Variants in ATXN1 observed in about 807,000 individuals in gnomAD.
ATXN1 encodes ataxin 1, also known as ataxin-1.
Under a neutral mutation model 56.4 loss-of-function variants are expected in ATXN1, and 8 were observed. The observed-to-expected ratio is 0.14, with a 90% CI of 0.08 to 0.26. The LOEUF is 0.26. Ranked by LOEUF, ATXN1 falls within the 10% of genes least tolerant of loss-of-function variation. ATXN1 has a pLI of 1.00. For synonymous variants in ATXN1, 514 were observed against 494.6 expected, an observed-to-expected ratio of 1.04 and a Z score of -0.52; for missense variants, 987 against 1,106.5, an observed-to-expected ratio of 0.89 and a Z score of 1.53.
At chr6:16,485,841 A>G (rs1388825898) in intron 6 of ATXN1, 131 bp downstream of exon 6, 1 of 152,244 alleles carries the variant, frequency 6.6e-6, no homozygotes, top group African/African-American at 2.4e-5. Context: ...CCAATTAAAA[A>G]AAGAAATTAA....
intron 4 of ATXN1, among the ~76,000 whole-genome samples, chr6:16,585,466 T>G (rs1230969412): frequency 1.3e-5 from 2 of 152,324 alleles, no homozygotes; most frequent in South Asian, 4.1e-4. Flanking sequence ...TACTACCATT[T>G]GATGTTTGTC....
At chr6:16,659,265 A>G (rs1014541846) in intron 2 of ATXN1, among the ~76,000 whole-genome samples, 2 of 152,228 alleles carry the variant, frequency 1.3e-5, no homozygotes, top group Non-Finnish European at 2.9e-5. Context: ...GGATTTTATT[A>G]GTTTTATGTA....
intron 5 of ATXN1, among the ~76,000 whole-genome samples, chr6:16,493,588 C>T (rs565297949): frequency 1.7e-4 from 26 of 152,052 alleles, no homozygotes; most frequent in African/African-American, 3.6e-4. Context: ...TGGTAACTTC[C>T]GTAAAGGTAG....
intron 6 of ATXN1, among the ~76,000 whole-genome samples, chr6:16,400,439 A>T (rs1253179752): frequency 6.6e-6 from 1 of 151,964 alleles, no homozygotes; most frequent in African/African-American, 2.4e-5. Flanking sequence ...CCATGGCCAG[A>T]CCACATGGCC....
intron 6 of ATXN1, among the ~76,000 whole-genome samples, chr6:16,411,622 G>A (rs2113552145): frequency 6.6e-6 from 1 of 152,234 alleles, no homozygotes; most frequent in East Asian, 1.9e-4. Context: ...GGATAAAGAG[G>A]GAACAAGGGC....
In ATXN1 at chr6:16,375,414, T is replaced by C. The variant is rs1762123308; in HGVS notation, c.-160-46944A>G. The stretch of plus-strand genomic sequence containing the variant: ...GAAACAGCTGTCAACAACTCTGCAA[T>C]TCCTTTATCCACTACATGCTAACAC... On this transcript the variant is annotated intron_variant, in intron 6 of 7. Coordinates refer to ENST00000436367, the MANE Select transcript of ATXN1 (RefSeq NM_001128164.2). Among the ~76,000 whole-genome samples the C allele has an allele frequency of 2.0e-5, 3 of 152,230 alleles. No homozygotes were observed. In the South Asian group the frequency reaches 6.2e-4, roughly 32 times the overall value.
At chr6:16,457,899 A>C (rs559171614) in intron 6 of ATXN1, among the ~76,000 whole-genome samples, 2 of 152,124 alleles carry the variant, frequency 1.3e-5, no homozygotes, top group African/African-American at 4.8e-5. Context: ...CTGTAGGGGG[A>C]GGGGAATTTG....
intron 3 of ATXN1, among the ~76,000 whole-genome samples, chr6:16,626,240 A>G (rs1253571501): frequency 6.6e-6 from 1 of 152,226 alleles, no homozygotes; most frequent in Admixed American, 6.5e-5. Flanking sequence ...GGTCATGTAA[A>G]GACTTGGTAA....
intron 3 of ATXN1, among the ~76,000 whole-genome samples, chr6:16,604,833 ACT>A (rs2113784075): frequency 6.6e-6 from 1 of 151,694 alleles, no homozygotes; most frequent in Admixed American, 6.6e-5. Flanking sequence ...CAATCCTCCC[ACT>A]TTGGCTTCAC....
intron 3 of ATXN1, among the ~76,000 whole-genome samples, chr6:16,620,680 T>C (rs1419984736): frequency 2.0e-5 from 3 of 152,168 alleles, no homozygotes; most frequent in East Asian, 3.9e-4. Context: ...AGTTGGCCCA[T>C]ATATGCCCCC....
chr6:16,408,460 T>C (rs1297530159), intron 6 of ATXN1, among the ~76,000 whole-genome samples: 3 of 151,892 alleles, frequency 2.0e-5, no homozygotes, highest in East Asian at 1.9e-4. Flanking sequence ...AATACTTTCC[T>C]TCATCAAGTG....
chr6:16,312,359 G>A lies in ATXN1; in HGVS notation c.1918-5500C>T, dbSNP rs532291406. On this transcript the variant is annotated intron_variant, in intron 7 of 7. Transcript: ENST00000436367. ...TAATCCCAGCACTTTGGGAGGCTGAGGTACAATTGTGAAATAGCAAAAGAA... is the reference window on the plus strand; with the variant it reads ...TAATCCCAGCACTTTGGGAGGCTGAAGTACAATTGTGAAATAGCAAAAGAA... 5.9e-5 allele frequency among the ~76,000 whole-genome samples: 9 copies of A among 152,162 alleles called. No homozygotes were observed. The South Asian group carries it at 1.9e-3, about 32-fold the overall frequency.
intron 3 of ATXN1, among the ~76,000 whole-genome samples, chr6:16,602,750 G>A (rs919514701): frequency 6.6e-6 from 1 of 152,076 alleles, no homozygotes; most frequent in Non-Finnish European, 1.5e-5. Context: ...GAGCCTGGCC[G>A]CAGCCCAAAT....
chr6:16,712,184 A>G (rs1412979094), intron 2 of ATXN1, among the ~76,000 whole-genome samples: 2 of 152,184 alleles, frequency 1.3e-5, no homozygotes, highest in African/African-American at 2.4e-5. Flanking sequence ...TACGCTTAAG[A>G]TGTGTTGATT....
chr6:16,624,354 GA>G lies in ATXN1; in HGVS notation c.-489+33421del, dbSNP rs58614013. The stretch of plus-strand genomic sequence containing the variant: ...GGATGAGAGCGAGACTTTGTCTCAA[GA>G]AAAAAAAAAAAAAAAAAGAGTTCTG... On this transcript the variant is annotated intron_variant, in intron 3 of 7. Transcript: ENST00000436367. Among the ~76,000 whole-genome samples the G allele has an allele frequency of 1.2e-3, 127 of 109,248 alleles. 1 individual carries two copies. The highest frequency in any genetic ancestry group is 4.3e-3 in the East Asian group (17 of 3,962). 71.7% of individuals were successfully genotyped at this position (109,248 alleles called of 152,430 possible).
chr6:16,358,469 C>T (rs1276217041), intron 6 of ATXN1, among the ~76,000 whole-genome samples: 1 of 152,208 alleles, frequency 6.6e-6, no homozygotes, highest in Non-Finnish European at 1.5e-5. Context: ...ACTACTCAGC[C>T]ATAAAAAGGA....
At chr6:16,741,114 C>T (rs1377826359) in intron 2 of ATXN1, among the ~76,000 whole-genome samples, 1 of 152,178 alleles carries the variant, frequency 6.6e-6, no homozygotes, top group Non-Finnish European at 1.5e-5. Flanking sequence ...TTTCTAACCA[C>T]TGGAATCTAG....
chr6:16,744,428 C>G (rs1221306681), intron 2 of ATXN1, among the ~76,000 whole-genome samples: 1 of 152,056 alleles, frequency 6.6e-6, no homozygotes, highest in Non-Finnish European at 1.5e-5. Flanking sequence ...TAGACTTTGG[C>G]CAGGCCTGAG....
intron 6 of ATXN1, among the ~76,000 whole-genome samples, chr6:16,435,938 C>T (rs1195357015): frequency 6.6e-6 from 1 of 151,990 alleles, no homozygotes; most frequent in East Asian, 1.9e-4. Flanking sequence ...CACTCTGTCA[C>T]CCAGGCTGGA....
Sources: gnomAD v4.1 joint callset for allele counts (sites outside exome capture counted in the v4.1 genomes callset) on GRCh38, gnomAD v4.1.1 for gene constraint, MANE v1.5 for transcripts, NCBI Gene and HGNC (gene_info 2026-07-23, HGNC 2026-07-21) for gene names.